The following CCDC66 variants were observed in gnomAD, a reference collection of about 807,000 sequenced individuals.
CCDC66 encodes the protein coiled-coil domain-containing protein 66.
CCDC66 carries 133 observed loss-of-function variants against 128.3 expected under a neutral mutation model. The ratio of observed to expected loss-of-function variants is 1.04; its 90% CI spans 0.90 to 1.20. CCDC66 has a LOEUF of 1.20. Among genes scored for constraint, CCDC66 ranks in the 50% most tolerant of loss-of-function variants. CCDC66 has a pLI of 0.00. For missense variants in CCDC66, 1,126 were observed against 1,075.5 expected, an observed-to-expected ratio of 1.05 and a Z score of -0.66; for synonymous variants, 387 against 357.0, an observed-to-expected ratio of 1.08 and a Z score of -0.95.
At position 56,559,554 on chromosome 3, in the gene CCDC66, T is replaced by G. The variant is rs1465421121; in HGVS notation, c.77-15T>G. On this transcript the variant is annotated splice_polypyrimidine_tract_variant and intron_variant, in intron 2 of 17. Transcript: ENST00000394672. Reference sequence around the variant, plus strand: ...TTTTGGTGGATAGTTTAGTAATTTCTTTTTTCTTTTGTAGAACATAAATCA... The same window carrying G: ...TTTTGGTGGATAGTTTAGTAATTTCGTTTTTCTTTTGTAGAACATAAATCA... 3.3e-6 allele frequency: 5 copies of G among 1,516,534 alleles called. No individual in the cohort carries two copies. In the African/African-American group the frequency reaches 7.0e-5, roughly 21 times the overall value. The allele number at this position is 1,516,534 out of a possible 1,614,324, so 93.9% of individuals were successfully genotyped here.
chr3:56,599,774 T>C (rs2072811432), intron 10 of CCDC66, among the ~76,000 whole-genome samples: 1 of 152,104 alleles, frequency 6.6e-6, no homozygotes, highest in Admixed American at 6.6e-5. Context: ...TTTTAAAGTT[T>C]GTTAAGATTT....
intron 2 of CCDC66, 78 bp from the exon 3 acceptor site, chr3:56,559,491 A>G (rs1286407262): frequency 2.2e-6 from 2 of 913,134 alleles, no homozygotes; most frequent in Middle Eastern, 2.6e-4. Flanking sequence ...TTATAACAAT[A>G]TTAATTACAG....
chr3:56,585,040 C>A (rs1355743051), intron 7 of CCDC66, among the ~76,000 whole-genome samples: 1 of 147,542 alleles, frequency 6.8e-6, no homozygotes, highest in Admixed American at 6.9e-5. Flanking sequence ...GAGATGGCAG[C>A]AGTACAGTCC....
intron 7 of CCDC66, among the ~76,000 whole-genome samples, chr3:56,580,190 T>C (rs1328984864): frequency 6.6e-6 from 1 of 151,870 alleles, no homozygotes; most frequent in Admixed American, 6.6e-5. Flanking sequence ...TTTTGATCTT[T>C]GTTGGTTTAA....
intron 16 of CCDC66, 53 bp downstream of exon 16, chr3:56,619,580 C>A: frequency 1.4e-6 from 2 of 1,475,972 alleles, no homozygotes; most frequent in South Asian, 1.3e-5. Context: ...CATGTAAACC[C>A]CGTCAACAAC....
At position 56,593,925 on chromosome 3, in the gene CCDC66, A is replaced by G. The variant is rs746545535; in HGVS notation, c.1320-19A>G. ...TACCTTTTTGAGGTTTTGAATAGCT[A>G]ATGTATGTATCTTGCCAGCTTTCTC... On this transcript the variant is annotated intron_variant, in intron 9 of 17. Transcript: ENST00000394672. 1.9e-6 allele frequency: 3 copies of G among 1,612,462 alleles called. No individual in the cohort carries two copies. Among genetic ancestry groups the G allele is most frequent in the Non-Finnish European group, 2.5e-6 (3 of 1,178,544 alleles).
intron 6 of CCDC66, 43 bp downstream of exon 6, chr3:56,567,096 A>G: frequency 6.8e-7 from 1 of 1,477,392 alleles, no homozygotes; most frequent in Non-Finnish European, 9.5e-7. Context: ...ATTGGCTTAA[A>G]GAATATGTAT....
intron 10 of CCDC66, among the ~76,000 whole-genome samples, chr3:56,600,973 T>C (rs1285902051): frequency 6.6e-6 from 1 of 152,138 alleles, no homozygotes; most frequent in Admixed American, 6.5e-5. Context: ...GCAGAAGTTC[T>C]TTAGTTTAAT....
chr3:56,613,874 G>A (rs1194834994), intron 11 of CCDC66, 124 bp downstream of exon 11: 1 of 741,048 alleles, frequency 1.3e-6, no homozygotes, highest in Non-Finnish European at 2.2e-6. Context: ...TTGACCTCTG[G>A]GCACAAGTTG....
intron 10 of CCDC66, among the ~76,000 whole-genome samples, chr3:56,603,242 G>C (rs2073521179): frequency 6.6e-6 from 1 of 151,892 alleles, no homozygotes. Flanking sequence ...GCCAGCTCCT[G>C]GATTCATTGA....
intron 10 of CCDC66, among the ~76,000 whole-genome samples, chr3:56,598,116 A>T (rs2072441119): frequency 6.9e-6 from 1 of 144,478 alleles, no homozygotes; most frequent in Non-Finnish European, 1.5e-5. Flanking sequence ...ACATCAGCAA[A>T]GGGGACGTTT....
intron 1 of CCDC66, among the ~76,000 whole-genome samples, chr3:56,558,411 G>C (rs2064659059): frequency 6.6e-6 from 1 of 152,192 alleles, no homozygotes; most frequent in South Asian, 2.1e-4. Context: ...TACTAACCTT[G>C]ATGGCATTGT....
chr3:56,569,104 A>G (rs1013595865), intron 6 of CCDC66, among the ~76,000 whole-genome samples: 4 of 152,208 alleles, frequency 2.6e-5, no homozygotes, highest in African/African-American at 9.6e-5. Context: ...TTGGAAGGCC[A>G]AGATGGGAGG....
chr3:56,575,131 T>C (rs780954612), intron 7 of CCDC66, among the ~76,000 whole-genome samples: 29 of 151,978 alleles, frequency 1.9e-4, no homozygotes, highest in Admixed American at 5.3e-4. Context: ...ATTTTAATTT[T>C]GTAATTTTGT....
At chr3:56,593,385 T>A (rs1340823128) in intron 8 of CCDC66, 106 bp from the exon 9 acceptor site, 1 of 1,242,668 alleles carries the variant, frequency 8.0e-7, no homozygotes, top group Non-Finnish European at 1.1e-6. Context: ...TTATGATGCT[T>A]ATTCTGCTCT....
intron 10 of CCDC66, among the ~76,000 whole-genome samples, chr3:56,612,098 C>A (rs1343964943): frequency 6.6e-6 from 1 of 152,224 alleles, no homozygotes; most frequent in East Asian, 1.9e-4. Context: ...TGCCATGGTC[C>A]TCAACTCCTA....
chr3:56,557,493 C>G (rs75127739), intron 1 of CCDC66, among the ~76,000 whole-genome samples: 3,237 of 152,202 alleles, frequency 0.021, 110 homozygotes, highest in African/African-American at 0.072. Flanking sequence ...CCAGTGATCC[C>G]CTTTCGGTCC....
Position 56,566,681 on chromosome 3 carries a change from C to T in CCDC66, c.632C>T (p.Ser211Leu), listed in dbSNP as rs368224350. ...MGLFKKTEMV[S>L]SVPAENKSVL... is the part of the protein sequence containing the mutation. ...TTATTCAAAAAAACTGAAATGGTTT[C>T]ATCTGTCCCAGCTGAAAATAAATCT... Residue 211 changes from serine to leucine, a missense_variant, in exon 5 of 18, where the codon TCA (serine) becomes TTA (leucine). Physicochemically the swap from Ser to Leu is moderately radical, Grantham distance 145. Transcript: ENST00000394672. The T allele has an allele frequency of 2.0e-4, 315 of 1,613,372 alleles. 4 individuals are homozygous for T. The Middle Eastern group carries it at 0.013, about 66-fold the overall frequency.
chr3:56,620,749 A>C (rs906392146), intron 17 of CCDC66: 10 of 152,228 alleles, frequency 6.6e-5, no homozygotes. Flanking sequence ...TTGTGAGATA[A>C]AGAGGAAGGA....
Sources: gnomAD v4.1 joint callset for allele counts (sites outside exome capture counted in the v4.1 genomes callset) on GRCh38, gnomAD v4.1.1 for gene constraint, MANE v1.5 for transcripts, NCBI Gene and HGNC (gene_info 2026-07-23, HGNC 2026-07-21) for gene names.